LRP1: variants seen among roughly 807,000 people sequenced by gnomAD.
LRP1 encodes the protein LDL receptor related protein 1, also known as prolow-density lipoprotein receptor-related protein 1.
In LRP1, 51 loss-of-function variants were observed where a neutral mutation model predicts 541.5. The ratio of observed to expected loss-of-function variants is 0.09; its 90% confidence interval spans 0.08 to 0.12. The LOEUF (loss-of-function observed/expected upper bound fraction) is 0.12, where lower values mean the gene tolerates loss of function less well. Among genes scored for constraint, LRP1 ranks in the 10% least tolerant of loss-of-function variants. LRP1 has a pLI of 1.00. For synonymous variants in LRP1, 2,219 were observed against 2,470.8 expected (o/e 0.90, Z 3.02); for missense variants, 3,878 against 6,376.2 (o/e 0.61, Z 13.34).
At position 57,178,758 on chromosome 12, in the gene LRP1, C is replaced by G. The variant is rs560751320; in HGVS notation, c.4607-132C>G. 1 of 1,505,462 alleles carries G rather than the reference C, an allele frequency of 6.6e-7. No homozygotes were observed. The highest frequency in any genetic ancestry group is 9.0e-7 in the Non-Finnish European group (1 of 1,112,796). The allele number at this position is 1,505,462 out of a possible 1,614,324, so 93.3% of individuals were successfully genotyped here. On this transcript the variant is annotated intron_variant, in intron 27 of 88. Coordinates refer to ENST00000243077, the MANE Select transcript of LRP1 (RefSeq NM_002332.3). This position sits in a 1 kb window ranked among gnomAD's most constrained non-coding sequence, Gnocchi z 5.8. Reference sequence around the variant, plus strand: ...GGCTGTTGACAGAGGCACTGTCTAGCAGCAGAGAAGGGTCTAGTAGTAGCG... The same window carrying G: ...GGCTGTTGACAGAGGCACTGTCTAGGAGCAGAGAAGGGTCTAGTAGTAGCG...
Position 57,199,254 on chromosome 12 carries a change from T to A in LRP1, c.9719T>A (p.Phe3240Tyr), listed in dbSNP as rs2036598201. The A allele has an allele frequency of 6.2e-7, 1 of 1,613,838 alleles. No individual in the cohort carries two copies. The highest frequency in any genetic ancestry group is 1.3e-5 in the African/African-American group (1 of 74,940). The change falls in exon 61 of 89, where the codon TTT becomes TAT. Residue 3240 changes from phenylalanine (F) to tyrosine (Y), a missense_variant. Phe to Tyr is a conservative substitution (Grantham distance 22, BLOSUM62 3). Transcript: ENST00000243077. ...CCGCACATCTTTGCACTGACCCTGTTTGAGGACTACGTCTACTGGACCGAC... is the reference window on the plus strand; with the variant it reads ...CCGCACATCTTTGCACTGACCCTGTATGAGGACTACGTCTACTGGACCGAC... The part of the protein sequence containing the change: ...DIPHIFALTL[F>Y]EDYVYWTDWE...
intron 64 of LRP1, 92 bp downstream of exon 64, chr12:57,200,907 C>T (rs1050551445): frequency 1.1e-5 from 17 of 1,566,962 alleles, no homozygotes; most frequent in Middle Eastern, 1.9e-4. Context: ...TTGCAGCCCA[C>T]GGCAGCTTGC....
At chr12:57,194,162 A>T in intron 48 of LRP1, 150 bp downstream of exon 48, 1 of 990,024 alleles carries the variant, frequency 1.0e-6, no homozygotes, top group Non-Finnish European at 1.5e-6. Flanking sequence ...CCCTGTCCCC[A>T]TCCCGCTCCT....
At chr12:57,135,655 C>G (rs2136651946) in intron 1 of LRP1, among the ~76,000 whole-genome samples, 1 of 152,316 alleles carries the variant, frequency 6.6e-6, no homozygotes, top group African/African-American at 2.4e-5. Context: ...GAGATGTGGC[C>G]CCCTCCCCCG....
At chr12:57,203,087 C>G in intron 68 of LRP1, 94 bp from the exon 69 acceptor site, 1 of 924,770 alleles carries the variant, frequency 1.1e-6, no homozygotes, top group Middle Eastern at 2.4e-4. Context: ...TTCAGAGACA[C>G]GGGGATGGGC....
Position 57,195,308 on chromosome 12 carries a change from T to C in LRP1, c.8346T>C (p.Pro2782=). ...GCGGCCCCTCCTCCTTCTCCTGCCC[T>C]GGCACCCACGTGTGCGTCCCCGAGC... The part of the protein sequence containing the change: ...KTCGPSSFSC[P]GTHVCVPERW... The change falls in exon 52 of 89, where the codon CCT becomes CCC. Residue 2782 remains proline (P), a synonymous_variant. Coordinates refer to ENST00000243077, the MANE Select transcript of LRP1 (RefSeq NM_002332.3). 6.2e-7 allele frequency: 1 copy of C among 1,613,846 alleles called. No individual in the cohort carries two copies.
In LRP1 at chr12:57,177,952, T is replaced by C. The variant is rs1018590108; in HGVS notation, c.4361+361T>C. 1.3e-4 allele frequency among the ~76,000 whole-genome samples: 19 copies of C among 148,550 alleles called. No individual in the cohort carries two copies. The highest frequency in any genetic ancestry group is 2.2e-4 in the Non-Finnish European group (15 of 66,792). On this transcript the variant is annotated intron_variant, in intron 26 of 88. Transcript: ENST00000243077. This position sits in a 1 kb window ranked among gnomAD's most constrained non-coding sequence, Gnocchi z 6.8. ...GGAGGGTGCCTTTTTCTTTTCTTTT[T>C]TTTTTTTTTTTTTTGAGACAGAGTC...
rs199538567 is a variant in LRP1 at position 57,194,347 on chromosome 12, C to T, written c.7919-7C>T. The T allele has an allele frequency of 2.6e-4, 398 of 1,511,178 alleles. No individual in the cohort carries two copies. Among genetic ancestry groups the T allele is most frequent in the Non-Finnish European group, 3.4e-4 (389 of 1,131,220 alleles). The allele number at this position is 1,511,178 out of a possible 1,614,324, so 93.6% of individuals were successfully genotyped here. A position where few individuals can be genotyped will look rare whatever the true frequency, so the allele number is the denominator to read the frequency against. ...CCAGGTATCACCCTCACCCCTGCCC[C>T]CACCAGGTGCCACCGACTGCAGCAG... On this transcript the variant is annotated splice_polypyrimidine_tract_variant and splice_region_variant and intron_variant, in intron 48 of 88. Transcript: ENST00000243077.
Position 57,156,120 on chromosome 12 carries a change from G to A in LRP1, c.1254G>A (p.Val418=), listed in dbSNP as rs760402334. The change falls in exon 9 of 89, where the codon GTG becomes GTA. Residue 418 remains valine, a synonymous_variant. Coordinates refer to ENST00000243077, the MANE Select transcript of LRP1 (RefSeq NM_002332.3). This position sits in a 1 kb window ranked among gnomAD's most constrained non-coding sequence, Gnocchi z 5.2. ...TTGAGCACCTGTACGGCCTGACTGT[G>A]TTTGAGAATTATCTCTATGCCACCA... ...ILIEHLYGLT[V]FENYLYATNS... 1 of 1,613,978 alleles carries A rather than the reference G, an allele frequency of 6.2e-7. No homozygotes were observed. The highest frequency in any genetic ancestry group is 8.5e-7 in the Non-Finnish European group (1 of 1,180,036).
Position 57,173,987 on chromosome 12 carries a change from C to T in LRP1, c.3547+7C>T. 6.2e-7 allele frequency: 1 copy of T among 1,613,674 alleles called. No individual in the cohort carries two copies. The highest frequency in any genetic ancestry group is 8.5e-7 in the Non-Finnish European group (1 of 1,179,886). On this transcript the variant is annotated splice_region_variant and intron_variant, in intron 22 of 88. Transcript: ENST00000243077. This position sits in a 1 kb window ranked among gnomAD's most constrained non-coding sequence, Gnocchi z 4.7. ...GATGAGGGCGAGCTCTGCGGTGAGGCCTGGTCCCAGGAGAAGGGTAGGGAG... is the reference window on the plus strand; with the variant it reads ...GATGAGGGCGAGCTCTGCGGTGAGGTCTGGTCCCAGGAGAAGGGTAGGGAG...
At chr12:57,148,153 A>G (rs1312504102) in intron 6 of LRP1, among the ~76,000 whole-genome samples, 1 of 148,376 alleles carries the variant, frequency 6.7e-6, no homozygotes, top group Non-Finnish European at 1.5e-5. Context: ...GTACCTGGAC[A>G]AGCTTTTTTT....
Position 57,144,958 on chromosome 12 carries a change from C to A in LRP1, c.449-14C>A. On this transcript the variant is annotated splice_polypyrimidine_tract_variant and intron_variant, in intron 4 of 88. Coordinates refer to ENST00000243077, the MANE Select transcript of LRP1 (RefSeq NM_002332.3). ...ACACTGGAAATGACCACATTCTTGC[C>A]CTTTCCTCGGCAGATTTTGATGAGT... 2.5e-6 allele frequency: 4 copies of A among 1,612,816 alleles called. No individual in the cohort carries two copies. Among genetic ancestry groups the A allele is most frequent in the Non-Finnish European group, 3.4e-6 (4 of 1,178,958 alleles).
chr12:57,205,623 C>G lies in LRP1; in HGVS notation c.11536C>G (p.Leu3846Val). 3 of 1,613,734 alleles carry G rather than the reference C, an allele frequency of 1.9e-6. No homozygotes were observed. The East Asian group carries it at 6.7e-5, about 36-fold the overall frequency. Residue 3846 changes from leucine to valine, a missense_variant, in exon 75 of 89, where the codon CTC becomes GTC. By Grantham distance (32) the Leu-to-Val change is conservative. Transcript: ENST00000243077. This position sits in a 1 kb window ranked among gnomAD's most constrained non-coding sequence, Gnocchi z 4.6. ...QLCNNTKGGH[L>V]CSCARNFMKT... ...CTGCAACAACACCAAGGGCGGCCAC[C>G]TCTGCAGCTGCGCTCGGAACTTCAT...
intron 33 of LRP1, 25 bp downstream of exon 33, chr12:57,180,832 TG>T (rs34422918): frequency 9.3e-6 from 15 of 1,611,540 alleles, no homozygotes; most frequent in Non-Finnish European, 1.0e-5. Context: ...GGGCGGCCGC[TG>T]GGGGCTCAGG....
chr12:57,175,652 C>T lies in LRP1; in HGVS notation c.3740C>T (p.Ser1247Phe). Residue 1247 changes from serine (S) to phenylalanine (F), a missense_variant, in exon 23 of 89, where the codon TCC becomes TTC. Coordinates refer to ENST00000243077, the MANE Select transcript of LRP1 (RefSeq NM_002332.3). The part of the protein sequence containing the change: ...CDQNKFSVKC[S>F]CYEGWVLEPD... Reference sequence around the variant, plus strand: ...CAGAACAAGTTCAGCGTGAAGTGCTCCTGCTACGAGGGCTGGGTCCTGGAA... The same window carrying T: ...CAGAACAAGTTCAGCGTGAAGTGCTTCTGCTACGAGGGCTGGGTCCTGGAA... 1.9e-6 allele frequency: 3 copies of T among 1,600,902 alleles called. No homozygotes were observed. Among genetic ancestry groups the T allele is most frequent in the Non-Finnish European group, 2.6e-6 (3 of 1,171,900 alleles).
rs574972738 is a variant in LRP1 at position 57,193,936 on chromosome 12, C to A, written c.7842C>A (p.Asp2614Glu). The change falls in exon 48 of 89, where the codon GAC becomes GAA. Residue 2614 changes from aspartate (D) to glutamate (E), a missense_variant. By Grantham distance (45) the Asp-to-Glu change is conservative. Coordinates refer to ENST00000243077, the MANE Select transcript of LRP1 (RefSeq NM_002332.3). ...ACGVGEFRCRDGTCIGNSSRC... is the reference protein window; with the variant it reads ...ACGVGEFRCREGTCIGNSSRC... ...GTGTGGGCGAGTTCCGCTGCCGGGA[C>A]GGGACCTGCATCGGGAACTCCAGCC... is the stretch of plus-strand genomic sequence containing the variant. 1 of 1,614,100 alleles carries A rather than the reference C, an allele frequency of 6.2e-7. No individual in the cohort carries two copies. The highest frequency in any genetic ancestry group is 1.1e-5 in the South Asian group (1 of 91,068).
intron 1 of LRP1, among the ~76,000 whole-genome samples, chr12:57,136,649 G>T (rs1351400568): frequency 6.6e-6 from 1 of 152,302 alleles, no homozygotes; most frequent in South Asian, 2.1e-4. Context: ...AGCCTTGGGT[G>T]GGGGAGAAGG....
chr12:57,191,187 A>T (rs1483959824), intron 43 of LRP1, 133 bp from the exon 44 acceptor site: 6 of 1,127,766 alleles, frequency 5.3e-6, no homozygotes, highest in African/African-American at 1.5e-5. Context: ...CATCAGCTAG[A>T]CGAGGGAGAT....
intron 6 of LRP1, among the ~76,000 whole-genome samples, chr12:57,152,316 C>A (rs994442783): frequency 6.6e-6 from 1 of 152,080 alleles, no homozygotes; most frequent in Admixed American, 6.5e-5. Context: ...CGTAGCTGCG[C>A]CAGCTGGTGC....
Sources: allele counts gnomAD v4.1 joint callset (sites outside exome capture counted in the v4.1 genomes callset), GRCh38; gene constraint gnomAD v4.1.1; non-coding constraint Gnocchi (gnomAD v3.1); transcripts MANE v1.5; gene names NCBI Gene and HGNC (gene_info 2026-07-23, HGNC 2026-07-21).